Variants in STAU2 observed in about 807,000 individuals in gnomAD.
STAU2 encodes the protein staufen double-stranded RNA binding protein 2.
Under a neutral mutation model 65.9 loss-of-function variants are expected in STAU2, and 20 were observed. The ratio of observed to expected loss-of-function variants is 0.30; its 90% CI spans 0.21 to 0.44. The LOEUF is 0.44. Among genes scored for constraint, STAU2 ranks in the 20% least tolerant of loss-of-function variants. The probability of loss-of-function intolerance (pLI) is 1.00; values close to 1 mark genes in which losing one functional copy is unlikely to be tolerated. For synonymous variants in STAU2, 232 were observed against 233.9 expected (o/e 0.99, Z 0.07); for missense variants, 558 against 683.9 (o/e 0.82, Z 2.05).
At chr8:73,448,325 C>A (rs1818591610) in intron 13 of STAU2, among the ~76,000 whole-genome samples, 1 of 151,962 alleles carries the variant, frequency 6.6e-6, no homozygotes, top group Admixed American at 6.6e-5. Context: ...TCGCTCTGTC[C>A]CAGGCTAAAG....
intron 13 of STAU2, among the ~76,000 whole-genome samples, chr8:73,477,368 A>C (rs1247770397): frequency 6.6e-6 from 1 of 152,210 alleles, no homozygotes; most frequent in East Asian, 1.9e-4. Context: ...TTTTTCAACA[A>C]AAGAGATCAA....
At chr8:73,452,681 C>T (rs1302361362) in intron 13 of STAU2, among the ~76,000 whole-genome samples, 2 of 152,174 alleles carry the variant, frequency 1.3e-5, no homozygotes, top group East Asian at 3.9e-4. Flanking sequence ...TTGTTTCCAT[C>T]CTGAGATAAA....
intron 5 of STAU2, among the ~76,000 whole-genome samples, chr8:73,685,003 T>G (rs1818691872): frequency 6.6e-6 from 1 of 152,170 alleles, no homozygotes; most frequent in Non-Finnish European, 1.5e-5. Flanking sequence ...GGAGGTAATT[T>G]GAATCATGGG....
At chr8:73,747,149 T>C (rs1807347136), upstream of STAU2, among the ~76,000 whole-genome samples, 1 of 151,630 alleles carries the variant, frequency 6.6e-6, no homozygotes, top group Non-Finnish European at 1.5e-5. Flanking sequence ...GGCGGCGAGC[T>C]GGGCCCCTGG....
At chr8:73,728,287 T>C (rs1183482901) in intron 3 of STAU2, among the ~76,000 whole-genome samples, 1 of 152,210 alleles carries the variant, frequency 6.6e-6, no homozygotes, top group Non-Finnish European at 1.5e-5. Context: ...TCTATTAGTC[T>C]ATACATCTAT....
chr8:73,592,508 T>C (rs1810896221), intron 11 of STAU2, among the ~76,000 whole-genome samples: 1 of 152,062 alleles, frequency 6.6e-6, no homozygotes, highest in African/African-American at 2.4e-5. Context: ...TAAAAAACCC[T>C]TTCCACAGAG....
chr8:73,686,131 T>C (rs1264450664), intron 5 of STAU2, among the ~76,000 whole-genome samples: 4 of 152,164 alleles, frequency 2.6e-5, no homozygotes, highest in Non-Finnish European at 4.4e-5. Context: ...AATGATACAA[T>C]GGGCCGGGCG....
At chr8:73,483,778 G>A (rs1344981863) in intron 13 of STAU2, among the ~76,000 whole-genome samples, 1 of 152,118 alleles carries the variant, frequency 6.6e-6, no homozygotes, top group Non-Finnish European at 1.5e-5. Flanking sequence ...CTCCAGGCCA[G>A]GTATGTGAAG....
chr8:73,525,503 G>A (rs749195674), intron 13 of STAU2, among the ~76,000 whole-genome samples: 1 of 152,120 alleles, frequency 6.6e-6, no homozygotes, highest in Non-Finnish European at 1.5e-5. Context: ...CTTGGCATAG[G>A]AACTTGGCAC....
chr8:73,529,839 T>C (rs1270700876), intron 13 of STAU2, among the ~76,000 whole-genome samples: 1 of 152,332 alleles, frequency 6.6e-6, no homozygotes, highest in East Asian at 1.9e-4. Flanking sequence ...CTGCTAGTTG[T>C]CCTCCAAGAT....
At chr8:73,569,925 C>T (rs536411224) in intron 12 of STAU2, among the ~76,000 whole-genome samples, 37 of 152,322 alleles carry the variant, frequency 2.4e-4, no homozygotes, top group African/African-American at 7.9e-4. Context: ...AGGAATACAG[C>T]TCCTCGCCAG....
intron 13 of STAU2, among the ~76,000 whole-genome samples, chr8:73,429,897 T>C (rs1470901568): frequency 1.3e-5 from 2 of 152,252 alleles, no homozygotes; most frequent in Non-Finnish European, 2.9e-5. Flanking sequence ...CTCCATTTTC[T>C]AGAAAAGGGG....
intron 13 of STAU2, among the ~76,000 whole-genome samples, chr8:73,448,366 T>C (rs142852245): frequency 9.2e-4 from 140 of 152,240 alleles, no homozygotes; most frequent in African/African-American, 3.3e-3. Flanking sequence ...TCACTGCAAC[T>C]GCTGCCTCCC....
intron 3 of STAU2, among the ~76,000 whole-genome samples, chr8:73,736,829 A>G (rs1425658655): frequency 6.6e-6 from 1 of 152,210 alleles, no homozygotes; most frequent in African/African-American, 2.4e-5. Context: ...TTCTTTGGCA[A>G]GGTGAGCAGG....
intron 13 of STAU2, among the ~76,000 whole-genome samples, chr8:73,532,659 T>C (rs1454826316): frequency 6.6e-6 from 1 of 152,140 alleles, no homozygotes; most frequent in Non-Finnish European, 1.5e-5. Context: ...AATGAGAGTC[T>C]GGCAACTTTA....
chr8:73,651,664 T>C, intron 6 of STAU2: 1 of 515,290 alleles, frequency 1.9e-6, no homozygotes, highest in Middle Eastern at 4.6e-4. Flanking sequence ...TGAGTGGGCC[T>C]GCTGCTGTGG....
intron 12 of STAU2, among the ~76,000 whole-genome samples, chr8:73,576,306 G>A (rs1160178686): frequency 6.6e-6 from 1 of 152,020 alleles, no homozygotes; most frequent in East Asian, 1.9e-4. Flanking sequence ...AATACTTTAT[G>A]TAACAAAACA....
chr8:73,484,396 A>G (rs1361704224), intron 13 of STAU2, among the ~76,000 whole-genome samples: 1 of 152,140 alleles, frequency 6.6e-6, no homozygotes, highest in African/African-American at 2.4e-5. Context: ...AAGTGACTAC[A>G]TAATGGAATA....
At chr8:73,735,673 C>A (rs913842140) in intron 3 of STAU2, among the ~76,000 whole-genome samples, 2 of 152,154 alleles carry the variant, frequency 1.3e-5, no homozygotes, top group Non-Finnish European at 2.9e-5. Context: ...TCAACCTGTA[C>A]AATTTAAGTA....
Sources: gnomAD v4.1 joint callset for allele counts (sites outside exome capture counted in the v4.1 genomes callset) on GRCh38, gnomAD v4.1.1 for gene constraint, MANE v1.5 for transcripts, NCBI Gene and HGNC (gene_info 2026-07-23, HGNC 2026-07-21) for gene names.